KCNC2: variants seen among roughly 807,000 people sequenced by gnomAD.
KCNC2 encodes the protein potassium voltage-gated channel subfamily C member 2.
A neutral mutation model predicts 44.5 loss-of-function variants in KCNC2; 21 were observed. The observed-to-expected ratio is 0.47, with a 90% CI of 0.33 to 0.68. The LOEUF is 0.68. Ranked by LOEUF, KCNC2 falls within the 30% of genes least tolerant of loss-of-function variation. The probability of loss-of-function intolerance (pLI) is 0.01; values close to 1 mark genes in which losing one functional copy is unlikely to be tolerated. For synonymous variants in KCNC2, 391 were observed against 339.1 expected (o/e 1.15, Z -1.68); for missense variants, 589 against 826.2 (o/e 0.71, Z 3.52).
At chr12:75,081,501 G>A (rs1169550896) in intron 2 of KCNC2, among the ~76,000 whole-genome samples, 1 of 148,164 alleles carries the variant, frequency 6.7e-6, no homozygotes, top group Non-Finnish European at 1.5e-5. Flanking sequence ...AGGCTCACTT[G>A]ACCAACTTCA....
intron 2 of KCNC2, among the ~76,000 whole-genome samples, chr12:75,157,411 ACCT>A (rs1480983260): frequency 1.5e-4 from 23 of 151,806 alleles, no homozygotes; most frequent in Non-Finnish European, 2.7e-4. Context: ...GCAATTATCT[ACCT>A]CAGGATTTCT....
At chr12:75,100,248 C>T (rs574427061) in intron 2 of KCNC2, among the ~76,000 whole-genome samples, 4 of 152,080 alleles carry the variant, frequency 2.6e-5, no homozygotes, top group Admixed American at 2.0e-4. Flanking sequence ...ATGTTGAATG[C>T]CTCAGACTTT....
intron 2 of KCNC2, among the ~76,000 whole-genome samples, chr12:75,051,751 A>C (rs1881198017): frequency 6.6e-6 from 1 of 152,120 alleles, no homozygotes; most frequent in Non-Finnish European, 1.5e-5. Flanking sequence ...ACACAGTGAT[A>C]GAAATTTGGA....
At chr12:75,203,243 G>T (rs866740074) in intron 2 of KCNC2, among the ~76,000 whole-genome samples, 1 of 151,576 alleles carries the variant, frequency 6.6e-6, no homozygotes, top group Non-Finnish European at 1.5e-5. Flanking sequence ...TGTCTTTCTT[G>T]TTTTGTTTTG....
chr12:75,177,817 C>T (rs1313981527), intron 2 of KCNC2, among the ~76,000 whole-genome samples: 1 of 151,904 alleles, frequency 6.6e-6, no homozygotes, highest in Admixed American at 6.6e-5. Flanking sequence ...TCAGGCCTAC[C>T]ATTGTATGTG....
intron 2 of KCNC2, among the ~76,000 whole-genome samples, chr12:75,117,845 A>G (rs1418995432): frequency 1.3e-5 from 2 of 152,206 alleles, no homozygotes; most frequent in African/African-American, 4.8e-5. Flanking sequence ...TGTTTAAAAG[A>G]ATGCATGCCA....
At chr12:75,156,772 C>T (rs1005826468) in intron 2 of KCNC2, among the ~76,000 whole-genome samples, 4 of 151,796 alleles carry the variant, frequency 2.6e-5, no homozygotes, top group African/African-American at 4.8e-5. Flanking sequence ...TTGCAGCCTA[C>T]CATTTCTATA....
rs903317693 is a variant in KCNC2 at position 75,051,134 on chromosome 12, C to T, written c.871G>A (p.Val291Met). 2.5e-6 allele frequency: 4 copies of T among 1,613,836 alleles called. No homozygotes were observed. The Admixed American group carries it at 6.7e-5, about 27-fold the overall frequency. Residue 291 changes from valine (V) to methionine (M), a missense_variant, in exon 3 of 5, where the codon GTG becomes ATG. By Grantham distance (21) the Val-to-Met change is conservative. Around this residue, in one of 7 missense-constraint regions of KCNC2, gnomAD observed 40 missense variants for 40.6 expected, o/e 0.99. Coordinates refer to ENST00000549446, the MANE Select transcript of KCNC2 (RefSeq NM_139137.4). ...ALTYVEGVCVVWFTFEFLVRI... is the reference protein window; with the variant it reads ...ALTYVEGVCVMWFTFEFLVRI... ...ACTAAAAATTCAAAAGTAAACCACA[C>T]CACACACACTCCTTCTACATACGTC...
intron 2 of KCNC2, among the ~76,000 whole-genome samples, chr12:75,063,058 C>A (rs1229339863): frequency 2.0e-5 from 3 of 152,024 alleles, no homozygotes; most frequent in Non-Finnish European, 4.4e-5. Flanking sequence ...TATCACCTTA[C>A]TTTATCTTTT....
At chr12:75,093,344 T>G (rs1230016178) in intron 2 of KCNC2, among the ~76,000 whole-genome samples, 1 of 151,518 alleles carries the variant, frequency 6.6e-6, no homozygotes, top group Non-Finnish European at 1.5e-5. Context: ...AGAAAAGATT[T>G]GTCAAAACGT....
intron 2 of KCNC2, among the ~76,000 whole-genome samples, chr12:75,060,559 G>A (rs962452824): frequency 2.0e-5 from 3 of 151,944 alleles, no homozygotes; most frequent in Non-Finnish European, 2.9e-5. Flanking sequence ...TTGATCTCCT[G>A]GGCTCAAGCA....
At position 75,071,937 on chromosome 12, in the gene KCNC2, CAAAAAAAAA is replaced by C. The variant is rs751849483; in HGVS notation, c.688-20629_688-20621del. On this transcript the variant is annotated intron_variant, in intron 2 of 4. Coordinates refer to ENST00000549446, the MANE Select transcript of KCNC2 (RefSeq NM_139137.4). Reference sequence around the variant, plus strand: ...TGGGCGACAGAGCGAGACTCCTTCTCAAAAAAAAAAAAAAAAAAAAAAAAAAAGAGTTAA... The same window carrying C: ...TGGGCGACAGAGCGAGACTCCTTCTCAAAAAAAAAAAAAAAAAAGAGTTAA... Among the ~76,000 whole-genome samples, 234 of 67,368 alleles carry C rather than the reference CAAAAAAAAA, an allele frequency of 3.5e-3. 5 individuals are homozygous for C. The highest frequency in any genetic ancestry group is 5.0e-3 in the Non-Finnish European group (197 of 39,074). The allele number at this position is 67,368 out of a possible 152,430, so 44.2% of individuals were successfully genotyped here. A position where few individuals can be genotyped will look rare whatever the true frequency, so the allele number is the denominator to read the frequency against.
At chr12:75,043,440 C>A in intron 4 of KCNC2, 199 bp from the exon 5 acceptor site, 1 of 1,336,428 alleles carries the variant, frequency 7.5e-7, no homozygotes, top group East Asian at 2.7e-5. Flanking sequence ...ATTAAACCAG[C>A]CATCACAAAT....
At chr12:75,159,797 T>A (rs907951224) in intron 2 of KCNC2, among the ~76,000 whole-genome samples, 2 of 151,842 alleles carry the variant, frequency 1.3e-5, no homozygotes, top group Non-Finnish European at 2.9e-5. Flanking sequence ...TCTGACACAC[T>A]CAAGAGTCTG....
chr12:75,165,154 G>A (rs368141623), intron 2 of KCNC2, among the ~76,000 whole-genome samples: 168 of 151,670 alleles, frequency 1.1e-3, no homozygotes, highest in African/African-American at 3.7e-3. Flanking sequence ...TTATTTTAGA[G>A]TATGATTAGA....
In KCNC2 at chr12:75,041,310, T is replaced by C. The variant is rs1879876458; in HGVS notation, c.*1795A>G. The stretch of plus-strand genomic sequence containing the variant: ...TGTGGTGTTATCAAAAGAATCACTG[T>C]GTCTCTAAATATCATATATGTATGT... On this transcript the variant is annotated 3_prime_UTR_variant, in exon 5 of 5. Transcript: ENST00000549446. 6.6e-7 allele frequency: 1 copy of C among 1,509,556 alleles called. No homozygotes were observed. The highest frequency in any genetic ancestry group is 8.8e-7 in the Non-Finnish European group (1 of 1,131,758). The allele number at this position is 1,509,556 out of a possible 1,614,324, so 93.5% of individuals were successfully genotyped here.
At chr12:75,054,862 G>A (rs1881572983) in intron 2 of KCNC2, among the ~76,000 whole-genome samples, 1 of 152,136 alleles carries the variant, frequency 6.6e-6, no homozygotes, top group African/African-American at 2.4e-5. Context: ...TGGCTTTGAG[G>A]ACTCAGAATT....
intron 2 of KCNC2, among the ~76,000 whole-genome samples, chr12:75,192,047 C>G (rs1181333505): frequency 6.6e-6 from 1 of 152,116 alleles, no homozygotes; most frequent in African/African-American, 2.4e-5. Flanking sequence ...GATGGACTAT[C>G]TGGGCATAAT....
intron 2 of KCNC2, among the ~76,000 whole-genome samples, chr12:75,073,811 T>C (rs1318069263): frequency 2.0e-5 from 3 of 152,188 alleles, no homozygotes; most frequent in Non-Finnish European, 4.4e-5. Flanking sequence ...CATTCCTATA[T>C]TGCCATGTCT....
Sources: allele counts gnomAD v4.1 joint callset (sites outside exome capture counted in the v4.1 genomes callset), GRCh38; gene constraint gnomAD v4.1.1; regional missense constraint gnomAD v4.1.1; transcripts MANE v1.5; gene names NCBI Gene and HGNC (gene_info 2026-07-23, HGNC 2026-07-21).